The following ALG6 variants were observed in gnomAD, a reference collection of about 807,000 sequenced individuals.
ALG6 encodes ALG6 alpha-1,3-glucosyltransferase.
A neutral mutation model predicts 66.6 loss-of-function variants in ALG6; 46 were observed. That is an observed-to-expected ratio of 0.69 (90% CI 0.55 to 0.88). The LOEUF (loss-of-function observed/expected upper bound fraction) is 0.88, where lower values mean the gene tolerates loss of function less well. Ranked by LOEUF, ALG6 falls within the 40% of genes least tolerant of loss-of-function variation. ALG6 has a pLI of 0.00. For synonymous variants in ALG6, 185 were observed against 203.7 expected (o/e 0.91, Z 0.78); for missense variants, 505 against 586.8 (o/e 0.86, Z 1.44).
At chr1:63,405,839 A>AT (rs1054491354) in intron 5 of ALG6, among the ~76,000 whole-genome samples, 41 of 150,454 alleles carry the variant, frequency 2.7e-4, no homozygotes, top group Non-Finnish European at 4.2e-4. Flanking sequence ...TTTTTTTAGG[A>AT]TTTTTTTTTC....
chr1:63,369,369 C>G (rs1647833502), intron 1 of ALG6, among the ~76,000 whole-genome samples: 1 of 152,188 alleles, frequency 6.6e-6, no homozygotes, highest in African/African-American at 2.4e-5. Context: ...TGGCTCACGC[C>G]TGTAATCCCA....
rs192190102 is a variant in ALG6, at chr1:63,419,205, T to C, written c.988-165T>C. Among the ~76,000 whole-genome samples the C allele has an allele frequency of 2.0e-3, 307 of 152,314 alleles. 2 individuals are homozygous for C. Among genetic ancestry groups the C allele is most frequent in the African/African-American group, 7.0e-3 (293 of 41,578 alleles). On this transcript the variant is annotated intron_variant, in intron 11 of 14. Coordinates refer to ENST00000263440, the MANE Select transcript of ALG6 (RefSeq NM_013339.4). Reference sequence around the variant, plus strand: ...TGAAAAAATATGTCAATTTTTTAATTTGATTAAAATATGCATACTAGTGTT... The same window carrying C: ...TGAAAAAATATGTCAATTTTTTAATCTGATTAAAATATGCATACTAGTGTT...
At chr1:63,429,154 AT>A (rs1363363990) in intron 14 of ALG6, 28 bp downstream of exon 14, 1 of 1,476,572 alleles carries the variant, frequency 6.8e-7, no homozygotes, top group Non-Finnish European at 9.3e-7. Flanking sequence ...GAAATGACAC[AT>A]TTTTCAGCAT....
At chr1:63,389,628 A>AGGAGTC (rs1648609315) in intron 2 of ALG6, among the ~76,000 whole-genome samples, 1 of 152,050 alleles carries the variant, frequency 6.6e-6, no homozygotes, top group Non-Finnish European at 1.5e-5. Context: ...GATGGTCTTA[A>AGGAGTC]TGCTTGTGGA....
chr1:63,407,918 T>C (rs952927629), intron 7 of ALG6, among the ~76,000 whole-genome samples: 1 of 152,180 alleles, frequency 6.6e-6, no homozygotes, highest in Non-Finnish European at 1.5e-5. Context: ...TTTAGTTTTT[T>C]AAAAATTTTG....
chr1:63,411,851 C>A, intron 8 of ALG6, 75 bp from the exon 9 acceptor site: 1 of 1,580,572 alleles, frequency 6.3e-7, no homozygotes, highest in South Asian at 1.1e-5. Context: ...GTATTATGTT[C>A]AGTGAGACTC....
intron 1 of ALG6, among the ~76,000 whole-genome samples, chr1:63,368,695 T>G (rs555612545): frequency 1.3e-5 from 2 of 151,986 alleles, no homozygotes; most frequent in Non-Finnish European, 2.9e-5. Context: ...GAGATGGGGT[T>G]TCACCATGTT....
chr1:63,419,362 T>C lies in ALG6; in HGVS notation c.988-8T>C, dbSNP rs1644561783. ...TTATATCTCATTTCCCCCCCTTTTTTCTTAAAGGTTAGCTGTGCGCTATCA... is the reference window on the plus strand; with the variant it reads ...TTATATCTCATTTCCCCCCCTTTTTCCTTAAAGGTTAGCTGTGCGCTATCA... On this transcript the variant is annotated splice_region_variant and splice_polypyrimidine_tract_variant and intron_variant, in intron 11 of 14. Coordinates refer to ENST00000263440, the MANE Select transcript of ALG6 (RefSeq NM_013339.4). 6.2e-7 allele frequency: 1 copy of C among 1,606,416 alleles called. No homozygotes were observed. The highest frequency in any genetic ancestry group is 1.3e-5 in the African/African-American group (1 of 74,922).
At position 63,433,020 on chromosome 1, in the gene ALG6, G is replaced by A. The variant is rs547989036; in HGVS notation, c.1327-3803G>A. Among the ~76,000 whole-genome samples the A allele has an allele frequency of 6.6e-6, 1 of 152,306 alleles. No homozygotes were observed. Among genetic ancestry groups the A allele is most frequent in the South Asian group, 2.1e-4 (1 of 4,832 alleles). Reference sequence around the variant, plus strand: ...TGCAATGGCACGAACTTGGCTCACTGCAACCTCAACCTCCTGGGTTTATGC... The same window carrying A: ...TGCAATGGCACGAACTTGGCTCACTACAACCTCAACCTCCTGGGTTTATGC... On this transcript the variant is annotated intron_variant, in intron 14 of 14. Coordinates refer to ENST00000263440, the MANE Select transcript of ALG6 (RefSeq NM_013339.4). This position sits in a 1 kb window ranked among gnomAD's most constrained non-coding sequence, Gnocchi z 4.2.
At chr1:63,368,002 A>G (rs1269177488) in intron 1 of ALG6, among the ~76,000 whole-genome samples, 1 of 152,046 alleles carries the variant, frequency 6.6e-6, no homozygotes, top group East Asian at 1.9e-4. Context: ...CCCCATATAC[A>G]CGCCCGGGAT....
intron 2 of ALG6, among the ~76,000 whole-genome samples, chr1:63,389,766 G>A (rs1053548763): frequency 1.3e-5 from 2 of 152,216 alleles, no homozygotes; most frequent in East Asian, 1.9e-4. Flanking sequence ...ATCCATGGTC[G>A]CTGCAGCCAT....
At chr1:63,426,843 G>A (rs1054139294) in intron 12 of ALG6, among the ~76,000 whole-genome samples, 8 of 152,000 alleles carry the variant, frequency 5.3e-5, no homozygotes, top group Non-Finnish European at 8.8e-5. Flanking sequence ...TGCGCCGGCT[G>A]TAATACATTT....
chr1:63,385,230 C>T lies in ALG6; in HGVS notation c.83-11283C>T, dbSNP rs1270214059. ...TTTTTTTTTTTTTGAGACAGAGTCTCGCTCTGTCACCCAGGCTGGAGTGCA... is the reference window on the plus strand; with the variant it reads ...TTTTTTTTTTTTTGAGACAGAGTCTTGCTCTGTCACCCAGGCTGGAGTGCA... On this transcript the variant is annotated intron_variant, in intron 2 of 14. Coordinates refer to ENST00000263440, the MANE Select transcript of ALG6 (RefSeq NM_013339.4). Among the ~76,000 whole-genome samples the T allele has an allele frequency of 7.2e-5, 8 of 110,358 alleles. No homozygotes were observed. In the East Asian group the frequency reaches 1.8e-3, roughly 25 times the overall value. 72.4% of individuals were successfully genotyped at this position (110,358 alleles called of 152,430 possible).
chr1:63,415,670 G>T (rs1267630683), intron 10 of ALG6, among the ~76,000 whole-genome samples: 1 of 132,040 alleles, frequency 7.6e-6, no homozygotes, highest in Admixed American at 8.3e-5. Flanking sequence ...ATGTAATCGT[G>T]TATAAAAGTA....
intron 14 of ALG6, among the ~76,000 whole-genome samples, chr1:63,436,409 T>C (rs1188767126): frequency 6.6e-6 from 1 of 152,194 alleles, no homozygotes; most frequent in Non-Finnish European, 1.5e-5. Context: ...TAGCTACCTA[T>C]ACATTTGTAC....
intron 2 of ALG6, among the ~76,000 whole-genome samples, chr1:63,381,135 T>C (rs565786579): frequency 1.2e-3 from 178 of 151,552 alleles, no homozygotes; most frequent in African/African-American, 4.1e-3. Context: ...GCCTGGGCAA[T>C]ACGGGGAAAC....
intron 10 of ALG6, among the ~76,000 whole-genome samples, chr1:63,415,057 A>G (rs1399093442): frequency 1.3e-5 from 2 of 152,208 alleles, no homozygotes; most frequent in Non-Finnish European, 2.9e-5. Flanking sequence ...ATTAGTGTTC[A>G]AATAACTGGG....
intron 2 of ALG6, 74 bp downstream of exon 2, chr1:63,371,133 C>T (rs1647912828): frequency 2.0e-6 from 2 of 1,021,610 alleles, no homozygotes; most frequent in Non-Finnish European, 1.5e-6. Context: ...GAAAAGTTTA[C>T]CATTTTCTGA....
At chr1:63,432,026 C>T (rs1340985738) in intron 14 of ALG6, among the ~76,000 whole-genome samples, 1 of 152,078 alleles carries the variant, frequency 6.6e-6, no homozygotes, top group Non-Finnish European at 1.5e-5. Flanking sequence ...GCCCTAGGAC[C>T]TATAAGACAG....
Sources: allele counts gnomAD v4.1 joint callset (sites outside exome capture counted in the v4.1 genomes callset), GRCh38; gene constraint gnomAD v4.1.1; non-coding constraint Gnocchi (gnomAD v3.1); transcripts MANE v1.5; gene names NCBI Gene and HGNC (gene_info 2026-07-23, HGNC 2026-07-21).